Variants in PPT1 observed in about 807,000 individuals in gnomAD.
PPT1 encodes palmitoyl-protein thioesterase 1.
In PPT1, 24 loss-of-function variants were observed where a neutral mutation model predicts 44.0. The observed-to-expected ratio is 0.54, with a 90% CI of 0.39 to 0.77. PPT1 has a LOEUF of 0.77. Ranked by LOEUF, PPT1 falls within the 30% of genes least tolerant of loss-of-function variation. The pLI, the probability that PPT1 is intolerant of heterozygous loss-of-function variation, is 0.00. For synonymous variants in PPT1, 148 were observed against 140.2 expected (o/e 1.06, Z -0.39); for missense variants, 341 against 378.8 (o/e 0.90, Z 0.83).
At position 40,072,896 on chromosome 1, in the gene PPT1, T is replaced by A. The variant is rs1648312791; in HGVS notation, c.*1165A>T. 1 of 152,240 alleles carries A rather than the reference T, an allele frequency of 6.6e-6. No individual in the cohort carries two copies. The highest frequency in any genetic ancestry group is 2.1e-4 in the South Asian group (1 of 4,830). 9.4% of individuals were successfully genotyped at this position (152,240 alleles called of 1,614,324 possible). A position where few individuals can be genotyped will look rare whatever the true frequency, so the allele number is the denominator to read the frequency against. Reference sequence around the variant, plus strand: ...TCATCAAGGCGTAGCTCATCATTTCTCCAAACTGACATGCTACAGAAATGT... The same window carrying A: ...TCATCAAGGCGTAGCTCATCATTTCACCAAACTGACATGCTACAGAAATGT... On this transcript the variant is annotated 3_prime_UTR_variant, in exon 9 of 9. Transcript: ENST00000642050.
intron 5 of PPT1, among the ~76,000 whole-genome samples, chr1:40,083,754 T>A (rs905058008): frequency 6.6e-6 from 1 of 152,164 alleles, no homozygotes; most frequent in Admixed American, 6.5e-5. Context: ...AAAGGATTTA[T>A]CATTCTAGAT....
At chr1:40,083,166 A>C (rs143297456) in intron 5 of PPT1, among the ~76,000 whole-genome samples, 74 of 152,330 alleles carry the variant, frequency 4.9e-4, no homozygotes, top group African/African-American at 1.8e-3. Flanking sequence ...ATTACCACGC[A>C]GCTGGGCATG....
rs1447656117 is a variant in PPT1 at position 40,074,152 on chromosome 1, G to A, written c.830C>T (p.Ala277Val). The A allele has an allele frequency of 2.5e-6, 4 of 1,614,010 alleles. No individual in the cohort carries two copies. The highest frequency in any genetic ancestry group is 1.3e-5 in the African/African-American group (1 of 74,922). The change falls in exon 9 of 9, where the codon GCA becomes GTA. Residue 277 changes from alanine to valine, a missense_variant. By Grantham distance (64) the Ala-to-Val change is moderately conservative (BLOSUM62 0). Coordinates refer to ENST00000642050, the MANE Select transcript of PPT1 (RefSeq NM_000310.4). ...TGTAGCCAGAAACACTAGCTGTCCT[G>A]CATTGTCCATTTCCTTTAGCCCCAG... ...DRLGLKEMDNAGQLVFLATEG... is the reference protein window; with the variant it reads ...DRLGLKEMDNVGQLVFLATEG...
At chr1:40,096,943 G>T in intron 1 of PPT1, 172 bp downstream of exon 1, 1 of 1,181,430 alleles carries the variant, frequency 8.5e-7, no homozygotes, top group Non-Finnish European at 1.2e-6. Context: ...TGAAGGGGAC[G>T]GCTCCTTCCC....
chr1:40,078,777 A>G (rs1648767850), intron 6 of PPT1, 119 bp from the exon 7 acceptor site: 3 of 847,932 alleles, frequency 3.5e-6, no homozygotes, highest in Middle Eastern at 4.4e-4. Context: ...CCCCATGGGT[A>G]TGGGCTGTTT....
chr1:40,080,373 T>C (rs1408239200), intron 6 of PPT1, 24 bp downstream of exon 6: 1 of 1,604,410 alleles, frequency 6.2e-7, no homozygotes, highest in East Asian at 2.2e-5. Flanking sequence ...CGCACATCTA[T>C]GGGAGCCCGG....
At chr1:40,077,572 G>A (rs1325867006) in intron 7 of PPT1, among the ~76,000 whole-genome samples, 5 of 152,108 alleles carry the variant, frequency 3.3e-5, no homozygotes, top group South Asian at 2.1e-4. Flanking sequence ...GGTGTTACTC[G>A]TGGGTAGCAC....
chr1:40,072,686 G>A (rs536664815), downstream of PPT1: 1 of 152,654 alleles, frequency 6.6e-6, no homozygotes, highest in East Asian at 1.9e-4. Context: ...GTACAGAAAT[G>A]CAAAAAATAC....
rs111918709 is a variant in PPT1, at chr1:40,073,742, A to G, written c.*319T>C. ...TAGAATCTATCTCACTACTTTAGTT[A>G]GTTGTCTCCTTTGGGCCTGGGCACA... On this transcript the variant is annotated 3_prime_UTR_variant, in exon 9 of 9. Transcript: ENST00000642050. 2 of 340,294 alleles carry G rather than the reference A, an allele frequency of 5.9e-6. No homozygotes were observed. The highest frequency in any genetic ancestry group is 4.2e-5 in the African/African-American group (2 of 47,360). The allele number at this position is 340,294 out of a possible 1,614,324, so 21.1% of individuals were successfully genotyped here. A position where few individuals can be genotyped will look rare whatever the true frequency, so the allele number is the denominator to read the frequency against.
At chr1:40,082,933 G>C (rs865900988) in intron 5 of PPT1, among the ~76,000 whole-genome samples, 39 of 152,338 alleles carry the variant, frequency 2.6e-4, no homozygotes, top group African/African-American at 9.1e-4. Context: ...TGACTCTCTT[G>C]TGAGTGCCTC....
At chr1:40,082,000 T>C (rs1398872842) in intron 5 of PPT1, among the ~76,000 whole-genome samples, 1 of 152,180 alleles carries the variant, frequency 6.6e-6, no homozygotes, top group Non-Finnish European at 1.5e-5. Flanking sequence ...GATGAGGAAC[T>C]TGCTGGGAAC....
intron 1 of PPT1, among the ~76,000 whole-genome samples, chr1:40,093,050 C>T (rs577440279): frequency 3.3e-5 from 5 of 152,274 alleles, no homozygotes; most frequent in South Asian, 2.1e-4. Context: ...TAAAAACACA[C>T]GTCCATGCAG....
At position 40,073,914 on chromosome 1, in the gene PPT1, A is replaced by G; in HGVS notation, c.*147T>C. The G allele has an allele frequency of 9.2e-7, 1 of 1,083,870 alleles. No homozygotes were observed. Among genetic ancestry groups the G allele is most frequent in the Non-Finnish European group, 1.4e-6 (1 of 722,222 alleles). The allele number at this position is 1,083,870 out of a possible 1,614,324, so 67.1% of individuals were successfully genotyped here. A position where few individuals can be genotyped will look rare whatever the true frequency, so the allele number is the denominator to read the frequency against. On this transcript the variant is annotated 3_prime_UTR_variant, in exon 9 of 9. Transcript: ENST00000642050. ...TGGCAAAGGATAAGATTCAGATCTTAGATCTTTCCAAGTAGGGCATGTTAG... is the reference window on the plus strand; with the variant it reads ...TGGCAAAGGATAAGATTCAGATCTTGGATCTTTCCAAGTAGGGCATGTTAG...
chr1:40,091,475 G>T, intron 3 of PPT1, 76 bp from the exon 4 acceptor site: 1 of 1,348,826 alleles, frequency 7.4e-7, no homozygotes, highest in Non-Finnish European at 1.0e-6. Flanking sequence ...CACAGATTAA[G>T]CTAGTCATCC....
intron 5 of PPT1, among the ~76,000 whole-genome samples, chr1:40,088,872 T>C (rs935786673): frequency 2.6e-5 from 4 of 152,254 alleles, no homozygotes; most frequent in Non-Finnish European, 5.9e-5. Flanking sequence ...ATTTATTCTG[T>C]TATAATTACA....
At chr1:40,074,232 G>C in intron 8 of PPT1, 49 bp from the exon 9 acceptor site, 2 of 1,607,882 alleles carry the variant, frequency 1.2e-6, no homozygotes, top group Non-Finnish European at 1.7e-6. Flanking sequence ...TGAAGTTTTG[G>C]AGTAAAATGG....
Position 40,081,570 on chromosome 1 carries a change from A to AT in PPT1, c.537-1084_537-1083insA, listed in dbSNP as rs1255388156. Among the ~76,000 whole-genome samples the AT allele has an allele frequency of 7.7e-4, 5 of 6,456 alleles. No individual in the cohort carries two copies. In the South Asian group the frequency reaches 0.018, roughly 23 times the overall value. The allele number at this position is 6,456 out of a possible 152,430, so 4.2% of individuals were successfully genotyped here. The stretch of plus-strand genomic sequence containing the variant: ...AATAAATAAATAAATAAATAAATAG[A>AT]AAATAAAATTAAGAGGGGAGTTTCC... On this transcript the variant is annotated intron_variant, in intron 5 of 8. Coordinates refer to ENST00000642050, the MANE Select transcript of PPT1 (RefSeq NM_000310.4).
At chr1:40,085,982 A>C (rs1229146410) in intron 5 of PPT1, among the ~76,000 whole-genome samples, 1 of 152,184 alleles carries the variant, frequency 6.6e-6, no homozygotes, top group African/African-American at 2.4e-5. Flanking sequence ...CCAAGTTGCA[A>C]GTTCATCGGC....
chr1:40,091,059 C>A (rs1557713284), intron 4 of PPT1, among the ~76,000 whole-genome samples: 1 of 152,222 alleles, frequency 6.6e-6, no homozygotes, highest in Non-Finnish European at 1.5e-5. Flanking sequence ...CAACCACCAC[C>A]TGCCACGTGG....
Sources: gnomAD v4.1 joint callset for allele counts (sites outside exome capture counted in the v4.1 genomes callset) on GRCh38, gnomAD v4.1.1 for gene constraint, MANE v1.5 for transcripts, NCBI Gene and HGNC (gene_info 2026-07-23, HGNC 2026-07-21) for gene names.